Variants in VPS13B observed in about 807,000 individuals in gnomAD.
The protein encoded by VPS13B is vacuolar protein sorting 13 homolog B.
A neutral mutation model predicts 426.4 loss-of-function variants in VPS13B; 285 were observed. The ratio of observed to expected loss-of-function variants is 0.67; its 90% CI spans 0.61 to 0.74. VPS13B has a LOEUF of 0.74. Ranked by LOEUF, VPS13B falls within the 30% of genes least tolerant of loss-of-function variation. VPS13B has a pLI of 0.00. For missense variants in VPS13B, 4,537 were observed against 4,782.6 expected (o/e 0.95, Z 1.51); for synonymous variants, 1,676 against 1,676.4 (o/e 1.00, Z 0.01).
chr8:99,222,651 C>T (rs774806962), intron 17 of VPS13B, among the ~76,000 whole-genome samples: 1 of 152,112 alleles, frequency 6.6e-6, no homozygotes, highest in Admixed American at 6.5e-5. Flanking sequence ...AATTATTCAT[C>T]GTATGACATT....
chr8:99,657,470 T>TGTGTCTGTGTGTG (rs60760111), intron 34 of VPS13B, among the ~76,000 whole-genome samples: 4 of 147,010 alleles, frequency 2.7e-5, no homozygotes, highest in African/African-American at 1.0e-4. Context: ...ACTTTAAAAA[T>TGTGTCTGTGTGTG]TGTGTGTGTG....
At chr8:99,671,019 T>C (rs146264409) in intron 35 of VPS13B, among the ~76,000 whole-genome samples, 131 of 152,274 alleles carry the variant, frequency 8.6e-4, no homozygotes, top group African/African-American at 3.1e-3. Context: ...GATTACTGGA[T>C]CATATGGTAG....
At chr8:99,275,339 T>A (rs1429449237) in intron 19 of VPS13B, 85 bp downstream of exon 19, 111 of 1,324,952 alleles carry the variant, frequency 8.4e-5, no homozygotes, top group African/African-American at 3.1e-4. Context: ...GTATATATTT[T>A]TTTTTTTTTA....
intron 32 of VPS13B, 50 bp downstream of exon 32, chr8:99,575,834 C>A (rs1319568871): frequency 6.3e-7 from 1 of 1,581,218 alleles, no homozygotes; most frequent in African/African-American, 1.3e-5. Flanking sequence ...GGAATTGCTC[C>A]TCTTTGTATG....
intron 3 of VPS13B, among the ~76,000 whole-genome samples, chr8:99,091,473 G>A (rs920591229): frequency 1.2e-4 from 18 of 152,130 alleles, no homozygotes; most frequent in Non-Finnish European, 1.5e-5. Flanking sequence ...CTCCCTTGTG[G>A]ACTAAAGTTG....
At chr8:99,140,451 A>C (rs897487711) in intron 12 of VPS13B, among the ~76,000 whole-genome samples, 1 of 152,058 alleles carries the variant, frequency 6.6e-6, no homozygotes, top group Non-Finnish European at 1.5e-5. Flanking sequence ...ATAAATGATA[A>C]AATAGTATCT....
intron 19 of VPS13B, among the ~76,000 whole-genome samples, chr8:99,333,224 A>T (rs145969343): frequency 2.6e-5 from 4 of 151,870 alleles, no homozygotes; most frequent in African/African-American, 9.6e-5. Context: ...GGGACATGTA[A>T]AATTAATGCC....
At chr8:99,250,679 T>C (rs1276482082) in intron 17 of VPS13B, among the ~76,000 whole-genome samples, 38 of 114,718 alleles carry the variant, frequency 3.3e-4, no homozygotes, top group Non-Finnish European at 5.8e-4. Context: ...TTTTTTTTTT[T>C]TTTTTTTTTT....
chr8:99,740,088 G>A (rs565782656), intron 39 of VPS13B, among the ~76,000 whole-genome samples: 27 of 152,212 alleles, frequency 1.8e-4, no homozygotes, highest in South Asian at 6.2e-4. Flanking sequence ...AAAATTAGAC[G>A]AATGGCTAAC....
At chr8:99,748,344 A>T (rs959919743) in intron 39 of VPS13B, among the ~76,000 whole-genome samples, 3 of 151,936 alleles carry the variant, frequency 2.0e-5, no homozygotes, top group Non-Finnish European at 4.4e-5. Flanking sequence ...CTCTCTGTAG[A>T]TTTTCTAAGG....
intron 32 of VPS13B, among the ~76,000 whole-genome samples, chr8:99,576,378 T>A (rs1419087525): frequency 7.5e-6 from 1 of 133,002 alleles, no homozygotes; most frequent in Non-Finnish European, 1.6e-5. Flanking sequence ...ACGGTGACTA[T>A]TTTTTTTTAA....
Position 99,375,848 on chromosome 8 carries a change from G to GT in VPS13B, c.2825-8353dup, listed in dbSNP as rs1472315222. 2.6e-5 allele frequency among the ~76,000 whole-genome samples: 4 copies of GT among 151,970 alleles called. 1 individual carries two copies. The highest frequency in any genetic ancestry group is 1.9e-4 in the East Asian group (1 of 5,192). The stretch of plus-strand genomic sequence containing the variant: ...CTTAGATGTAAATTAATATGTTTGT[G>GT]TTTTTTTGTCTCGTTCATTGGTTTA... On this transcript the variant is annotated intron_variant, in intron 19 of 61. Transcript: ENST00000357162.
intron 39 of VPS13B, 118 bp downstream of exon 39, chr8:99,721,165 A>C: frequency 9.4e-7 from 1 of 1,068,354 alleles, no homozygotes; most frequent in East Asian, 2.4e-5. Flanking sequence ...AGAGAAATAC[A>C]CATCTGTGTG....
chr8:99,749,204 T>C (rs1810268665), intron 39 of VPS13B, among the ~76,000 whole-genome samples: 1 of 152,056 alleles, frequency 6.6e-6, no homozygotes, highest in Admixed American at 6.6e-5. Context: ...GCAATAACCA[T>C]CACCTCAAGC....
At chr8:99,875,083 C>T in intron 61 of VPS13B, 1 of 336,214 alleles carries the variant, frequency 3.0e-6, no homozygotes, top group Non-Finnish European at 5.6e-6. Context: ...CTCCTTTTTT[C>T]TTGGGCTGGC....
intron 21 of VPS13B, among the ~76,000 whole-genome samples, chr8:99,415,603 A>G (rs1221578658): frequency 2.6e-5 from 4 of 152,000 alleles, no homozygotes; most frequent in East Asian, 3.9e-4. Flanking sequence ...TTCTGTGTCA[A>G]TGTCCTTTTT....
At chr8:99,353,037 A>G (rs1351571400) in intron 19 of VPS13B, among the ~76,000 whole-genome samples, 2 of 151,844 alleles carry the variant, frequency 1.3e-5, no homozygotes, top group Admixed American at 6.6e-5. Flanking sequence ...GCTGGAGTGC[A>G]GTGTCACAAT....
At chr8:99,461,938 G>C (rs1420197397) in intron 23 of VPS13B, among the ~76,000 whole-genome samples, 1 of 152,066 alleles carries the variant, frequency 6.6e-6, no homozygotes, top group African/African-American at 2.4e-5. Context: ...GTATTGCTCA[G>C]TGCTCTGTCC....
intron 21 of VPS13B, among the ~76,000 whole-genome samples, chr8:99,421,370 A>G (rs1479234322): frequency 1.3e-5 from 2 of 152,220 alleles, no homozygotes; most frequent in Non-Finnish European, 2.9e-5. Flanking sequence ...GAATGAGTAA[A>G]TCTGATGTTT....
Sources: allele counts gnomAD v4.1 joint callset (sites outside exome capture counted in the v4.1 genomes callset), GRCh38; gene constraint gnomAD v4.1.1; transcripts MANE v1.5; gene names NCBI Gene and HGNC (gene_info 2026-07-23, HGNC 2026-07-21).